CTNNA3: variants seen among roughly 807,000 people sequenced by gnomAD.
CTNNA3 encodes the protein catenin alpha 3.
Under a neutral mutation model 95.7 loss-of-function variants are expected in CTNNA3, and 76 were observed. The ratio of observed to expected loss-of-function variants is 0.79; its 90% CI spans 0.66 to 0.96. CTNNA3 has a LOEUF of 0.96. CTNNA3 is among the 40% of genes least tolerant of loss of function. The pLI is 0.00. For missense variants in CTNNA3, 1,191 were observed against 1,089.8 expected (o/e 1.09, Z -1.31); for synonymous variants, 431 against 374.4 (o/e 1.15, Z -1.74).
chr10:67,351,953 C>G (rs972866456), intron 5 of CTNNA3, among the ~76,000 whole-genome samples: 1 of 151,924 alleles, frequency 6.6e-6, no homozygotes, highest in Non-Finnish European at 1.5e-5. Context: ...AAATGATCAT[C>G]AAAAGACAAA....
intron 11 of CTNNA3, among the ~76,000 whole-genome samples, chr10:66,447,213 G>A (rs1371548329): frequency 6.6e-6 from 1 of 152,044 alleles, no homozygotes; most frequent in Non-Finnish European, 1.5e-5. Context: ...ATGCTCATGG[G>A]TAGGAAGAAT....
intron 13 of CTNNA3, among the ~76,000 whole-genome samples, chr10:66,239,782 A>G (rs935882495): frequency 6.6e-6 from 1 of 151,914 alleles, no homozygotes; most frequent in Non-Finnish European, 1.5e-5. Context: ...TTGCTGTGGC[A>G]TATGTTACTA....
At chr10:67,169,399 C>T (rs1013793262) in intron 7 of CTNNA3, among the ~76,000 whole-genome samples, 1 of 152,008 alleles carries the variant, frequency 6.6e-6, no homozygotes, top group Non-Finnish European at 1.5e-5. Context: ...CTACAGAACA[C>T]AGTTACCAAA....
At chr10:66,509,677 A>G (rs961726490) in intron 11 of CTNNA3, among the ~76,000 whole-genome samples, 2 of 152,008 alleles carry the variant, frequency 1.3e-5, no homozygotes, top group Non-Finnish European at 2.9e-5. Flanking sequence ...AGTTGACTGT[A>G]AATATATAGA....
chr10:66,331,155 G>C (rs2092322623), intron 12 of CTNNA3, among the ~76,000 whole-genome samples: 1 of 151,810 alleles, frequency 6.6e-6, no homozygotes, highest in Admixed American at 6.6e-5. Context: ...CCTATGTCCT[G>C]AATGGTATTG....
At chr10:66,513,443 T>C (rs1840731282) in intron 11 of CTNNA3, among the ~76,000 whole-genome samples, 2 of 152,154 alleles carry the variant, frequency 1.3e-5, no homozygotes, top group South Asian at 4.1e-4. Context: ...GTGACTTTAC[T>C]GGAGATGGGG....
chr10:67,059,781 C>G (rs1277341367), intron 7 of CTNNA3, among the ~76,000 whole-genome samples: 1 of 152,032 alleles, frequency 6.6e-6, no homozygotes, highest in Non-Finnish European at 1.5e-5. Context: ...TAATCTGTCT[C>G]AAAATTAGGA....
At chr10:67,270,345 C>G (rs1838920824) in intron 5 of CTNNA3, among the ~76,000 whole-genome samples, 1 of 152,040 alleles carries the variant, frequency 6.6e-6, no homozygotes, top group African/African-American at 2.4e-5. Flanking sequence ...AAAAACTTTT[C>G]CTTATAACCA....
intron 11 of CTNNA3, among the ~76,000 whole-genome samples, chr10:66,419,502 G>A (rs1292477347): frequency 2.0e-5 from 3 of 152,030 alleles, no homozygotes; most frequent in Non-Finnish European, 4.4e-5. Flanking sequence ...TCCCTATGAA[G>A]ACACTAATGC....
chr10:67,690,192 T>C (rs1840815586), intron 1 of CTNNA3, among the ~76,000 whole-genome samples: 1 of 152,168 alleles, frequency 6.6e-6, no homozygotes, highest in Admixed American at 6.5e-5. Context: ...GTTACGGCTC[T>C]TAAAGGCAGC....
At chr10:66,704,811 T>C (rs1301822602) in intron 9 of CTNNA3, among the ~76,000 whole-genome samples, 2 of 152,296 alleles carry the variant, frequency 1.3e-5, no homozygotes, top group East Asian at 3.9e-4. Flanking sequence ...CCATCATATT[T>C]TCTACATAAA....
chr10:67,264,130 T>C (rs1021693978), intron 5 of CTNNA3, among the ~76,000 whole-genome samples: 3 of 152,078 alleles, frequency 2.0e-5, no homozygotes, highest in South Asian at 2.1e-4. Context: ...TAAGGACACA[T>C]GATGGGTTAG....
chr10:67,121,919 AT>A (rs1389066096), intron 7 of CTNNA3, among the ~76,000 whole-genome samples: 7 of 128,628 alleles, frequency 5.4e-5, no homozygotes, highest in African/African-American at 2.1e-4. Context: ...GAAATCTCTA[AT>A]TTTCAAATGT....
chr10:66,613,892 C>CCAT (rs1040657510), intron 10 of CTNNA3, among the ~76,000 whole-genome samples: 2 of 152,042 alleles, frequency 1.3e-5, no homozygotes, highest in East Asian at 3.9e-4. Context: ...AACAAAACAT[C>CCAT]CATCATCATC....
chr10:66,678,343 G>A (rs924053802), intron 9 of CTNNA3, among the ~76,000 whole-genome samples: 3 of 152,080 alleles, frequency 2.0e-5, no homozygotes, highest in Non-Finnish European at 4.4e-5. Context: ...GTCTTTTCAA[G>A]ATCCTTACTG....
intron 9 of CTNNA3, among the ~76,000 whole-genome samples, chr10:66,754,191 C>G (rs1038522317): frequency 3.3e-5 from 5 of 152,076 alleles, no homozygotes; most frequent in African/African-American, 1.2e-4. Flanking sequence ...ACATATAGAT[C>G]AGTGGAATAG....
chr10:66,078,651 T>C (rs1346167010), intron 14 of CTNNA3, among the ~76,000 whole-genome samples: 2 of 151,974 alleles, frequency 1.3e-5, no homozygotes, highest in Non-Finnish European at 2.9e-5. Flanking sequence ...AAAACTGTCC[T>C]GTATTTTTAT....
intron 5 of CTNNA3, 56 bp downstream of exon 5, chr10:67,521,786 A>G (rs560858515): frequency 6.3e-7 from 1 of 1,574,830 alleles, no homozygotes; most frequent in Non-Finnish European, 8.6e-7. Flanking sequence ...GACAGGCAGG[A>G]TGGCAGGAAG....
intron 7 of CTNNA3, among the ~76,000 whole-genome samples, chr10:66,825,150 G>C (rs767620137): frequency 1.8e-4 from 27 of 149,554 alleles, no homozygotes; most frequent in Non-Finnish European, 3.6e-4. Context: ...TAAGCACTTA[G>C]AACAATGCTT....
Sources: allele counts gnomAD v4.1 joint callset (sites outside exome capture counted in the v4.1 genomes callset), GRCh38; gene constraint gnomAD v4.1.1; transcripts MANE v1.5; gene names NCBI Gene and HGNC (gene_info 2026-07-23, HGNC 2026-07-21).